KAT6B: variants seen among roughly 807,000 people sequenced by gnomAD.
KAT6B encodes histone acetyltransferase KAT6B.
In KAT6B, 10 loss-of-function variants were observed where a neutral mutation model predicts 187.5. The observed-to-expected ratio is 0.05, with a 90% CI of 0.03 to 0.09. The LOEUF (loss-of-function observed/expected upper bound fraction) is 0.09. Among genes scored for constraint, KAT6B ranks in the 10% least tolerant of loss-of-function variants. KAT6B has a pLI of 1.00. For synonymous variants in KAT6B, 861 were observed against 926.8 expected (o/e 0.93, Z 1.29); for missense variants, 1,952 against 2,558.9 (o/e 0.76, Z 5.12).
rs762457796 is a variant in KAT6B at position 74,843,444 on chromosome 10, C to T, written c.587C>T (p.Pro196Leu). 7 of 1,613,764 alleles carry T rather than the reference C, an allele frequency of 4.3e-6. No individual in the cohort carries two copies. In the Admixed American group the frequency reaches 1.0e-4, roughly 23 times the overall value. ...QYPSAFPSSL[P>L]PVSLLPHEKD... Reference sequence around the variant, plus strand: ...CCCAGTGCATTCCCATCCTCGCTCCCACCTGTCAGCCTTCTACCCCATGAG... The same window carrying T: ...CCCAGTGCATTCCCATCCTCGCTCCTACCTGTCAGCCTTCTACCCCATGAG... The change falls in exon 3 of 18, where the codon CCA becomes CTA. Residue 196 changes from proline to leucine, a missense_variant. By Grantham distance (98) the Pro-to-Leu change is moderately conservative (BLOSUM62 -3). This residue lies in a region of KAT6B where 218 missense variants were observed against 282.6 expected (regional missense o/e 0.77). Coordinates refer to ENST00000287239, the MANE Select transcript of KAT6B (RefSeq NM_012330.4).
At chr10:74,998,877 A>G (rs1428736773) in intron 13 of KAT6B, among the ~76,000 whole-genome samples, 1 of 152,186 alleles carries the variant, frequency 6.6e-6, no homozygotes, top group East Asian at 1.9e-4. Context: ...TCAGTGAACT[A>G]TGATTGCACC....
intron 3 of KAT6B, among the ~76,000 whole-genome samples, chr10:74,923,838 C>T (rs375288163): frequency 1.3e-5 from 2 of 152,182 alleles, no homozygotes; most frequent in African/African-American, 4.8e-5. Flanking sequence ...TTTGACTTAA[C>T]GTTTTAACAA....
chr10:74,961,860 C>T (rs1471488449), intron 4 of KAT6B, among the ~76,000 whole-genome samples: 1 of 152,150 alleles, frequency 6.6e-6, no homozygotes, highest in Non-Finnish European at 1.5e-5. Context: ...TCTCTTTTAA[C>T]AAATGGAGAA....
At chr10:74,863,573 T>C (rs954118294) in intron 3 of KAT6B, among the ~76,000 whole-genome samples, 3 of 152,234 alleles carry the variant, frequency 2.0e-5, no homozygotes, top group East Asian at 3.8e-4. Flanking sequence ...TTTATACTTA[T>C]GGGCAGAGTA....
rs569870263 is a variant in KAT6B at position 75,030,056 on chromosome 10, G to A, written c.5232G>A (p.Pro1744=). 94 of 1,614,122 alleles carry A rather than the reference G, an allele frequency of 5.8e-5. 1 individual carries two copies. The South Asian group carries it at 7.9e-4, about 14-fold the overall frequency. ...AGCAAACCAGCATCAGCTCCCCTCCGACCTGCAGCGTCAAGTCTCCTCAAG... is the reference window on the plus strand; with the variant it reads ...AGCAAACCAGCATCAGCTCCCCTCCAACCTGCAGCGTCAAGTCTCCTCAAG... ...MLQQTSISSP[P]TCSVKSPQGC... The change falls in exon 18 of 18, where the codon CCG becomes CCA. Residue 1744 remains proline (P), a synonymous_variant. Coordinates refer to ENST00000287239, the MANE Select transcript of KAT6B (RefSeq NM_012330.4). The surrounding 1 kb of genome is among the most constrained non-coding windows in gnomAD (Gnocchi z 4.8).
Position 75,028,611 on chromosome 10 carries a change from A to G in KAT6B, c.3787A>G (p.Lys1263Glu). The G allele has an allele frequency of 6.2e-7, 1 of 1,614,226 alleles. No individual in the cohort carries two copies. Among genetic ancestry groups the G allele is most frequent in the South Asian group, 1.1e-5 (1 of 91,084 alleles). ...CGGTCTATCTAAGTGGAGGCAAAACAAAGAGAGGAAGACCGGATTTAAACT... is the reference window on the plus strand; with the variant it reads ...CGGTCTATCTAAGTGGAGGCAAAACGAAGAGAGGAAGACCGGATTTAAACT... ...KRGLSKWRQN[K>E]ERKTGFKLNL... Residue 1263 changes from lysine to glutamate, a missense_variant, in exon 18 of 18, where the codon AAA becomes GAA. Physicochemically the swap from Lys to Glu is moderately conservative, Grantham distance 56. Transcript: ENST00000287239.
At chr10:74,968,545 T>A (rs1178905941) in intron 4 of KAT6B, among the ~76,000 whole-genome samples, 2 of 152,160 alleles carry the variant, frequency 1.3e-5, no homozygotes, top group Admixed American at 1.3e-4. Context: ...CAATCCAAAA[T>A]ACATATTTAA....
chr10:74,993,865 G>A (rs149918736), intron 13 of KAT6B, among the ~76,000 whole-genome samples: 362 of 152,226 alleles, frequency 2.4e-3, no homozygotes, highest in African/African-American at 4.6e-3. Flanking sequence ...AGAAGTGACC[G>A]TATGTCCTTC....
At chr10:75,022,872 C>T (rs188400879) in intron 16 of KAT6B, among the ~76,000 whole-genome samples, 222 of 152,278 alleles carry the variant, frequency 1.5e-3, no homozygotes, top group African/African-American at 5.0e-3. Flanking sequence ...TGCAGTAAGC[C>T]GAGATCGCAC....
intron 3 of KAT6B, among the ~76,000 whole-genome samples, chr10:74,871,450 C>T (rs1843963028): frequency 6.6e-6 from 1 of 152,202 alleles, no homozygotes; most frequent in Non-Finnish European, 1.5e-5. Flanking sequence ...GCCTTGGCTT[C>T]CCAAAGTGTT....
At chr10:74,930,022 C>A (rs1373886815) in intron 3 of KAT6B, among the ~76,000 whole-genome samples, 1 of 151,090 alleles carries the variant, frequency 6.6e-6, no homozygotes, top group African/African-American at 2.4e-5. Flanking sequence ...TGGGTTCAAG[C>A]GATTCTCCTG....
chr10:75,020,024 C>T (rs1845275372), intron 13 of KAT6B, among the ~76,000 whole-genome samples: 1 of 152,182 alleles, frequency 6.6e-6, no homozygotes, highest in Non-Finnish European at 1.5e-5. Context: ...ACTTGAAAGA[C>T]ATTCTTTTAT....
At chr10:75,011,909 C>T (rs1485504614) in intron 13 of KAT6B, among the ~76,000 whole-genome samples, 2 of 152,134 alleles carry the variant, frequency 1.3e-5, no homozygotes, top group Non-Finnish European at 2.9e-5. Flanking sequence ...TCTCATTAGG[C>T]ACCACTGCTA....
upstream of KAT6B, among the ~76,000 whole-genome samples, chr10:74,825,097 G>T (rs963110493): frequency 6.6e-6 from 1 of 152,188 alleles, no homozygotes; most frequent in Non-Finnish European, 1.5e-5. The surrounding 1 kb of genome is among the most constrained non-coding windows in gnomAD (Gnocchi z 5.0). Context: ...TCTTCCTCCC[G>T]ATCAGGGTAG....
intron 3 of KAT6B, among the ~76,000 whole-genome samples, chr10:74,952,846 A>ATTTTTTTTTTT (rs34687036): frequency 6.9e-3 from 621 of 90,410 alleles, no homozygotes; most frequent in Middle Eastern, 0.016. Context: ...TGCCTGGCTA[A>ATTTTTTTTTTT]TTTTTTTTTT....
At chr10:74,972,030 G>T (rs183819288) in intron 6 of KAT6B, among the ~76,000 whole-genome samples, 1 of 152,000 alleles carries the variant, frequency 6.6e-6, no homozygotes, top group East Asian at 1.9e-4. Context: ...AATCATTGTA[G>T]TTCTGCAGTA....
At chr10:74,862,741 G>A (rs1843269890) in intron 3 of KAT6B, among the ~76,000 whole-genome samples, 1 of 152,146 alleles carries the variant, frequency 6.6e-6, no homozygotes, top group African/African-American at 2.4e-5. Flanking sequence ...TTCCTCAGCT[G>A]ACTAATAGGG....
chr10:74,960,134 T>A, intron 4 of KAT6B, 56 bp downstream of exon 4: 5 of 1,068,928 alleles, frequency 4.7e-6, no homozygotes, highest in Non-Finnish European at 7.3e-6. Flanking sequence ...CATAGCTTCA[T>A]GCTATTTGTC....
At chr10:74,923,757 C>T (rs751731049) in intron 3 of KAT6B, among the ~76,000 whole-genome samples, 24 of 152,286 alleles carry the variant, frequency 1.6e-4, no homozygotes, top group Middle Eastern at 6.8e-3. Flanking sequence ...GGTCTCAGCA[C>T]AGGTCAGGCC....
Sources: allele counts gnomAD v4.1 joint callset (sites outside exome capture counted in the v4.1 genomes callset), GRCh38; gene constraint gnomAD v4.1.1; regional missense constraint gnomAD v4.1.1; non-coding constraint Gnocchi (gnomAD v3.1); transcripts MANE v1.5; gene names NCBI Gene and HGNC (gene_info 2026-07-23, HGNC 2026-07-21).